Variants in XNDC1N observed in about 807,000 individuals in gnomAD.
The protein encoded by XNDC1N is protein XNDC1N.
the XNDC1N span, among the ~76,000 whole-genome samples, chr11:71,919,389 CTT>C: frequency 0.81 from 109,124 of 134,610 alleles, 43,882 homozygotes; most frequent in Non-Finnish European, 0.84. Context: ...AAGCAGAGCT[CTT>C]TTTTTTTTTT....
chr11:71,915,233 G>C, the XNDC1N span, among the ~76,000 whole-genome samples: 2 of 151,960 alleles, frequency 1.3e-5, no homozygotes. Flanking sequence ...AGGATCACGA[G>C]GTCAGGAGAT....
chr11:71,897,625 G>T, the XNDC1N span, among the ~76,000 whole-genome samples: 1 of 152,038 alleles, frequency 6.6e-6, no homozygotes, highest in Non-Finnish European at 1.5e-5. Context: ...ATGTAAAACC[G>T]TGAAGGAGTG....
chr11:71,923,275 T>C, the XNDC1N span: 1 of 702,504 alleles, frequency 1.4e-6, no homozygotes, highest in African/African-American at 1.7e-5. Flanking sequence ...TTTCAGTTAT[T>C]AAGAAAACAA....
chr11:71,908,933 A>G, the XNDC1N span, among the ~76,000 whole-genome samples: 2 of 152,202 alleles, frequency 1.3e-5, no homozygotes, highest in African/African-American at 2.4e-5. Flanking sequence ...AGCGAGACAG[A>G]GAAGCTCTCC....
the XNDC1N span, among the ~76,000 whole-genome samples, chr11:71,886,058 C>T: frequency 9.2e-5 from 14 of 151,984 alleles, no homozygotes; most frequent in Non-Finnish European, 1.8e-4. Context: ...AGCTCGTTTA[C>T]GACCCAAAAG....
At chr11:71,884,220 T>C in the XNDC1N span, 120 of 607,076 alleles carry the variant, frequency 2.0e-4, 1 homozygote, top group East Asian at 3.8e-3. Context: ...TACTACTCTC[T>C]TTACAGAAGA....
At chr11:71,926,084 C>G in the XNDC1N span, 2 of 150,386 alleles carry the variant, frequency 1.3e-5, no homozygotes, top group Admixed American at 6.6e-5. Flanking sequence ...TCAGCCTGGG[C>G]AACATGGCGA....
At chr11:71,867,338 T>G in the XNDC1N span, among the ~76,000 whole-genome samples, 3 of 152,206 alleles carry the variant, frequency 2.0e-5, no homozygotes, top group African/African-American at 4.8e-5. Context: ...AATGTCTTTG[T>G]GGGAACATCA....
the XNDC1N span, among the ~76,000 whole-genome samples, chr11:71,886,090 G>C: frequency 1.3e-5 from 2 of 151,958 alleles, no homozygotes; most frequent in African/African-American, 2.4e-5. Context: ...GCCCCTGAGA[G>C]AGCAGCCGTA....
At chr11:71,922,167 T>G in the XNDC1N span, among the ~76,000 whole-genome samples, 3 of 152,186 alleles carry the variant, frequency 2.0e-5, no homozygotes, top group East Asian at 5.8e-4. Context: ...CTAAAAAAAG[T>G]AAAAAGTCTA....
the XNDC1N span, among the ~76,000 whole-genome samples, chr11:71,872,477 A>G: frequency 3.9e-5 from 6 of 152,314 alleles, no homozygotes; most frequent in South Asian, 1.2e-3. Flanking sequence ...GAATTATCAC[A>G]CTTTGGGAGG....
chr11:71,884,292 T>C, the XNDC1N span: 5 of 1,247,056 alleles, frequency 4.0e-6, no homozygotes, highest in Non-Finnish European at 5.3e-6. Flanking sequence ...TGCTGTTGTT[T>C]TTGTTTTTCT....
At chr11:71,884,301 C>T in the XNDC1N span, 1 of 1,283,284 alleles carries the variant, frequency 7.8e-7, no homozygotes. Context: ...TTTTGTTTTT[C>T]TGGGAAAGTT....
chr11:71,874,840 T>C, the XNDC1N span, among the ~76,000 whole-genome samples: 2 of 152,230 alleles, frequency 1.3e-5, no homozygotes, highest in East Asian at 3.8e-4. Context: ...CCTTATTTTC[T>C]ATCTTTTTCT....
chr11:71,909,967 C>A, the XNDC1N span, among the ~76,000 whole-genome samples: 5 of 152,108 alleles, frequency 3.3e-5, no homozygotes, highest in Admixed American at 6.6e-5. Context: ...AGAGAGAAGA[C>A]CAGCTCTGGC....
the XNDC1N span, among the ~76,000 whole-genome samples, chr11:71,911,507 C>G: frequency 2.6e-5 from 4 of 151,950 alleles, no homozygotes; most frequent in Non-Finnish European, 5.9e-5. Context: ...GCAGTGATAA[C>G]CCTGGACACT....
the XNDC1N span, among the ~76,000 whole-genome samples, chr11:71,873,156 G>A: frequency 9.6e-5 from 10 of 104,630 alleles, no homozygotes; most frequent in Admixed American, 9.9e-4. Context: ...TTTTGTTTCA[G>A]TTTTTTTCTA....
At chr11:71,907,159 AC>A in the XNDC1N span, among the ~76,000 whole-genome samples, 1 of 151,942 alleles carries the variant, frequency 6.6e-6, no homozygotes, top group Admixed American at 6.6e-5. Context: ...ACGTTTCACC[AC>A]ATTATCACGA....
At chr11:71,921,313 CAACT>C in the XNDC1N span, among the ~76,000 whole-genome samples, 1 of 152,090 alleles carries the variant, frequency 6.6e-6, no homozygotes, top group East Asian at 1.9e-4. Context: ...CCACCACACC[CAACT>C]AACTTTTGTA....
Sources: gnomAD v4.1 joint callset for allele counts (sites outside exome capture counted in the v4.1 genomes callset) on GRCh38, gnomAD v4.1.1 for gene constraint, MANE v1.5 for transcripts, NCBI Gene and HGNC (gene_info 2026-07-23, HGNC 2026-07-21) for gene names.